PDE1A: variants seen among roughly 807,000 people sequenced by gnomAD.
PDE1A encodes dual specificity calcium/calmodulin-dependent 3',5'-cyclic nucleotide phosphodiesterase 1A.
Under a neutral mutation model 61.7 loss-of-function variants are expected in PDE1A, and 35 were observed. That is an observed-to-expected ratio of 0.57 (90% CI 0.43 to 0.75). The LOEUF is 0.75. Among genes scored for constraint, PDE1A ranks in the 30% least tolerant of loss-of-function variants. The pLI is 0.00. For missense variants in PDE1A, 597 were observed against 630.6 expected, an observed-to-expected ratio of 0.95 and a Z score of 0.57; for synonymous variants, 232 against 213.2, an observed-to-expected ratio of 1.09 and a Z score of -0.77.
At chr2:182,326,118 T>C (rs945713853) in intron 1 of PDE1A, among the ~76,000 whole-genome samples, 1 of 142,062 alleles carries the variant, frequency 7.0e-6, no homozygotes, top group African/African-American at 2.5e-5. Context: ...CAAGTATATA[T>C]ATATTTTTTA....
intron 2 of PDE1A, among the ~76,000 whole-genome samples, chr2:182,455,421 G>A (rs1472741759): frequency 2.7e-5 from 4 of 147,828 alleles, no homozygotes; most frequent in Non-Finnish European, 5.9e-5. Flanking sequence ...ATATCCAAAG[G>A]ATTATAAATC....
intron 3 of PDE1A, among the ~76,000 whole-genome samples, 175 bp from the exon 4 acceptor site, chr2:182,234,673 A>T (rs1689863748): frequency 6.6e-6 from 1 of 152,202 alleles, no homozygotes; most frequent in Non-Finnish European, 1.5e-5. Flanking sequence ...AACATCTACA[A>T]TGTGACAATG....
intron 13 of PDE1A, among the ~76,000 whole-genome samples, chr2:182,182,786 A>C (rs546601550): frequency 2.0e-5 from 3 of 151,796 alleles, no homozygotes; most frequent in African/African-American, 7.3e-5. Context: ...CCGTTTTAAA[A>C]ATTTGTTAAC....
chr2:182,655,117 C>T, the PDE1A span, among the ~76,000 whole-genome samples: 2 of 152,170 alleles, frequency 1.3e-5, no homozygotes, highest in East Asian at 1.9e-4. Flanking sequence ...CTCGAAGATG[C>T]CAATGTCTGC....
At chr2:182,680,608 G>T in the PDE1A span, among the ~76,000 whole-genome samples, 1 of 152,208 alleles carries the variant, frequency 6.6e-6, no homozygotes, top group African/African-American at 2.4e-5. Context: ...ATGTAGGAAA[G>T]ATTGCAGCTT....
At chr2:182,166,205 G>C (rs1004450535), downstream of PDE1A, among the ~76,000 whole-genome samples, 15 of 152,180 alleles carry the variant, frequency 9.9e-5, no homozygotes, top group African/African-American at 3.1e-4. Context: ...CATTGTTTTG[G>C]GGTGTGCCTA....
chr2:182,255,761 G>A (rs747256511), intron 2 of PDE1A, among the ~76,000 whole-genome samples: 3 of 150,308 alleles, frequency 2.0e-5, no homozygotes, highest in African/African-American at 4.9e-5. Flanking sequence ...GAGTTCAAGC[G>A]ATTCTCCTGC....
intron 5 of PDE1A, 72 bp from the exon 6 acceptor site, chr2:182,230,218 T>A: frequency 8.3e-7 from 1 of 1,209,106 alleles, no homozygotes; most frequent in Non-Finnish European, 1.2e-6. Flanking sequence ...GCACTGTTTG[T>A]CATGGAACAT....
At chr2:182,439,060 G>T (rs1286637110) in intron 2 of PDE1A, among the ~76,000 whole-genome samples, 1 of 151,960 alleles carries the variant, frequency 6.6e-6, no homozygotes, top group Non-Finnish European at 1.5e-5. Context: ...GCATAATAAG[G>T]TGTACTGAAT....
intron 8 of PDE1A, 22 bp downstream of exon 8, chr2:182,205,918 C>G: frequency 1.9e-6 from 3 of 1,587,352 alleles, no homozygotes; most frequent in Non-Finnish European, 2.6e-6. Context: ...TAAATTTCCT[C>G]TAGGTTTTCT....
At chr2:182,627,107 A>T in the PDE1A span, among the ~76,000 whole-genome samples, 1 of 52,134 alleles carries the variant, frequency 1.9e-5, no homozygotes. Flanking sequence ...GTATATATAA[A>T]ATATAAATAA....
At chr2:182,448,130 T>C (rs1009439621) in intron 2 of PDE1A, among the ~76,000 whole-genome samples, 2 of 152,124 alleles carry the variant, frequency 1.3e-5, no homozygotes, top group Admixed American at 6.6e-5. Flanking sequence ...TTCTTTTAAT[T>C]TGCAAGTCTT....
chr2:182,680,956 A>G, the PDE1A span, among the ~76,000 whole-genome samples: 1 of 152,160 alleles, frequency 6.6e-6, no homozygotes, highest in African/African-American at 2.4e-5. Context: ...ATTTCTAGAA[A>G]AGGGGTGGTA....
chr2:182,486,274 A>G (rs62187663), intron 2 of PDE1A, among the ~76,000 whole-genome samples: 26,436 of 151,990 alleles, frequency 0.17, 2,592 homozygotes, highest in Middle Eastern at 0.32. Context: ...TACACTGACA[A>G]TAATAAAATA....
At chr2:182,568,695 G>T in the PDE1A span, among the ~76,000 whole-genome samples, 41,037 of 151,892 alleles carry the variant, frequency 0.27, 5,978 homozygotes, top group East Asian at 0.39. Flanking sequence ...ACACAGAGTA[G>T]GTACATATTT....
intron 2 of PDE1A, among the ~76,000 whole-genome samples, chr2:182,245,789 T>C (rs1690900767): frequency 6.6e-6 from 1 of 152,242 alleles, no homozygotes; most frequent in Admixed American, 6.5e-5. Context: ...TTGACAATTA[T>C]GAATAAAGCT....
At chr2:182,521,782 C>T (rs1025816860) in intron 2 of PDE1A, among the ~76,000 whole-genome samples, 7 of 152,162 alleles carry the variant, frequency 4.6e-5, no homozygotes, top group Admixed American at 3.3e-4. Context: ...ATTTTTATCA[C>T]GTAAACATTT....
chr2:182,238,769 CTAAA>C (rs1315020887), intron 3 of PDE1A, among the ~76,000 whole-genome samples: 4 of 152,082 alleles, frequency 2.6e-5, no homozygotes, highest in East Asian at 1.9e-4. Context: ...TTATAGGCTA[CTAAA>C]TGTGTTTTAT....
chr2:182,405,660 T>C (rs370232197), intron 1 of PDE1A, among the ~76,000 whole-genome samples: 1 of 152,140 alleles, frequency 6.6e-6, no homozygotes, highest in Non-Finnish European at 1.5e-5. Flanking sequence ...GGTCAAAGGG[T>C]ACAAAGTTTG....
Sources: allele counts gnomAD v4.1 joint callset (sites outside exome capture counted in the v4.1 genomes callset), GRCh38; gene constraint gnomAD v4.1.1; transcripts MANE v1.5; gene names NCBI Gene and HGNC (gene_info 2026-07-23, HGNC 2026-07-21).